Variants in EPB41L3 observed in about 807,000 individuals in gnomAD.
EPB41L3 encodes the protein band 4.1-like protein 3.
In EPB41L3, 57 loss-of-function variants were observed where a neutral mutation model predicts 127.1. The observed-to-expected ratio is 0.45, with a 90% confidence interval of 0.36 to 0.56. The LOEUF is 0.56. Ranked by LOEUF, EPB41L3 falls within the 20% of genes least tolerant of loss-of-function variation. The pLI is 0.00. For missense variants in EPB41L3, 1,273 were observed against 1,372.2 expected, an observed-to-expected ratio of 0.93 and a Z score of 1.14; for synonymous variants, 572 against 549.5, an observed-to-expected ratio of 1.04 and a Z score of -0.57.
chr18:5,613,045 C>G (rs1196417407), intron 2 of EPB41L3, among the ~76,000 whole-genome samples: 1 of 152,132 alleles, frequency 6.6e-6, no homozygotes, highest in African/African-American at 2.4e-5. Flanking sequence ...CAGCATGTTT[C>G]CAAACAACTT....
At chr18:5,499,588 C>T (rs1030951723) in intron 1 of EPB41L3, among the ~76,000 whole-genome samples, 4 of 151,690 alleles carry the variant, frequency 2.6e-5, no homozygotes, top group East Asian at 1.9e-4. Flanking sequence ...ACAGTGAAAC[C>T]GTATCTCTAC....
At position 5,392,507 on chromosome 18, in the gene EPB41L3, A is replaced by T. The variant is rs371511364; in HGVS notation, c.*978T>A. 5.2e-5 allele frequency: 8 copies of T among 152,756 alleles called. No homozygotes were observed. In the South Asian group the frequency reaches 1.7e-3, roughly 32 times the overall value. 9.5% of individuals were successfully genotyped at this position (152,756 alleles called of 1,614,324 possible). A position where few individuals can be genotyped will look rare whatever the true frequency, so the allele number is the denominator to read the frequency against. ...TGAAGGCTATTTATAACTAACACTA[A>T]ATAGTTTTAATTACAGTGGAAATTC... is the stretch of plus-strand genomic sequence containing the variant. On this transcript the variant is annotated 3_prime_UTR_variant, in exon 23 of 23. Transcript: ENST00000341928.
At chr18:5,629,292 G>T (rs763044410), upstream of EPB41L3, among the ~76,000 whole-genome samples, 1 of 152,024 alleles carries the variant, frequency 6.6e-6, no homozygotes, top group Non-Finnish European at 1.5e-5. Context: ...GCGCGGAGTT[G>T]CCGGGGTGCA....
chr18:5,427,886 T>C (rs1037576890), intron 9 of EPB41L3, among the ~76,000 whole-genome samples: 1 of 151,882 alleles, frequency 6.6e-6, no homozygotes, highest in Non-Finnish European at 1.5e-5. Flanking sequence ...GCTGGGAATA[T>C]AGGCACCTGC....
intron 14 of EPB41L3, 104 bp from the exon 15 acceptor site, chr18:5,407,840 C>T (rs2874686): frequency 0.86 from 864,620 of 1,000,310 alleles, 387,296 homozygotes; most frequent in Non-Finnish European, 0.92. Context: ...GGCACGTGTA[C>T]GCTCTTGCAT....
exon 3 of EPB41L3, chr18:5,612,380 A>C (rs549372127): frequency 6.6e-6 from 1 of 152,384 alleles, no homozygotes; most frequent in East Asian, 1.9e-4. Flanking sequence ...CTCATTCCAC[A>C]GCCTCAGGGG....
intron 1 of EPB41L3, among the ~76,000 whole-genome samples, chr18:5,532,636 T>C (rs1380976988): frequency 2.0e-5 from 3 of 152,096 alleles, no homozygotes; most frequent in East Asian, 3.9e-4. Context: ...GGTCAAAAGA[T>C]GGGTTGGTTT....
chr18:5,615,054 T>C (rs1257504925), intron 1 of EPB41L3, among the ~76,000 whole-genome samples: 1 of 152,038 alleles, frequency 6.6e-6, no homozygotes, highest in African/African-American at 2.4e-5. Context: ...GTCTGTACCC[T>C]AAAGGAAGCA....
intron 1 of EPB41L3, among the ~76,000 whole-genome samples, chr18:5,524,079 CTAT>C (rs2148848054): frequency 6.6e-6 from 1 of 152,122 alleles, no homozygotes; most frequent in South Asian, 2.1e-4. Flanking sequence ...GACGTGGGTA[CTAT>C]TATTATTCCC....
rs148983712 is a variant in EPB41L3 at position 5,458,643 on chromosome 18, T to C, written c.382-13399A>G. On this transcript the variant is annotated intron_variant, in intron 3 of 22. Transcript: ENST00000341928. ...AATATTCTCTCGCCCTATCTAACTA[T>C]AGAAAAAAACACATGAATAACAGTT... Among the ~76,000 whole-genome samples the C allele has an allele frequency of 6.3e-3, 954 of 152,272 alleles. 5 individuals are homozygous for C. The highest frequency in any genetic ancestry group is 9.6e-3 in the Non-Finnish European group (654 of 68,002).
At chr18:5,507,163 G>A (rs1400875288) in intron 1 of EPB41L3, among the ~76,000 whole-genome samples, 1 of 151,906 alleles carries the variant, frequency 6.6e-6, no homozygotes, top group Non-Finnish European at 1.5e-5. Context: ...TATGAATGAG[G>A]GTCTGCTATA....
In EPB41L3 at chr18:5,489,091, C is replaced by T. The variant is rs11548490; in HGVS notation, c.93G>A (p.Ala31=). 12 of 1,589,858 alleles carry T rather than the reference C, an allele frequency of 7.5e-6. No individual in the cohort carries two copies. Among genetic ancestry groups the T allele is most frequent in the Admixed American group, 3.5e-5 (2 of 56,484 alleles). Residue 31 remains alanine, a synonymous_variant, in exon 2 of 23, where the codon GCG becomes GCA. Coordinates refer to ENST00000341928, the MANE Select transcript of EPB41L3 (RefSeq NM_012307.5). Reference sequence around the variant, plus strand: ...CCTCCTTGGGCGGCTCCGGCACGGGCGCCCCCGCGCGCCCCTGCGCCCCCG... The same window carrying T: ...CCTCCTTGGGCGGCTCCGGCACGGGTGCCCCCGCGCGCCCCTGCGCCCCCG... ...EAAGAQGRAG[A]PVPEPPKEEQ... is the part of the protein sequence containing the mutation.
intron 3 of EPB41L3, chr18:5,610,056 A>G: frequency 1.0e-6 from 1 of 974,888 alleles, no homozygotes; most frequent in Non-Finnish European, 1.2e-6. Context: ...TGCTGAAGAT[A>G]GTTTCCCATC....
chr18:5,525,643 C>T (rs1213639271), intron 1 of EPB41L3, among the ~76,000 whole-genome samples: 1 of 152,080 alleles, frequency 6.6e-6, no homozygotes, highest in East Asian at 1.9e-4. Flanking sequence ...GATTATAACA[C>T]ATATGATTAT....
upstream of EPB41L3, among the ~76,000 whole-genome samples, chr18:5,544,546 G>A (rs1252703067): frequency 3.9e-5 from 6 of 152,244 alleles, no homozygotes; most frequent in Non-Finnish European, 1.5e-5. Context: ...GTCCTCTCCA[G>A]TATCTATAAA....
chr18:5,393,778 CAATTT>C, intron 22 of EPB41L3: 1 of 275,172 alleles, frequency 3.6e-6, no homozygotes, highest in East Asian at 7.1e-5. Flanking sequence ...TGCCACTCAT[CAATTT>C]GTTTCTTAAA....
chr18:5,583,278 T>C, intron 3 of EPB41L3, among the ~76,000 whole-genome samples: 1 of 152,278 alleles, frequency 6.6e-6, no homozygotes, highest in East Asian at 1.9e-4. Context: ...GAAATAGGCA[T>C]TCTGCTACTC....
chr18:5,539,552 C>T (rs2093665815), intron 1 of EPB41L3: 2 of 152,186 alleles, frequency 1.3e-5, no homozygotes, highest in African/African-American at 4.8e-5. Flanking sequence ...TGCTTTGAAA[C>T]TGTGCTCTGG....
chr18:5,418,981 A>G (rs528536768), intron 12 of EPB41L3, among the ~76,000 whole-genome samples: 10 of 152,138 alleles, frequency 6.6e-5, no homozygotes, highest in African/African-American at 2.2e-4. Context: ...CCTTATTATT[A>G]GGTATAAGCC....
Sources: gnomAD v4.1 joint callset for allele counts (sites outside exome capture counted in the v4.1 genomes callset) on GRCh38, gnomAD v4.1.1 for gene constraint, MANE v1.5 for transcripts, NCBI Gene and HGNC (gene_info 2026-07-23, HGNC 2026-07-21) for gene names.